PDE10A: variants seen among roughly 807,000 people sequenced by gnomAD.
PDE10A encodes cAMP and cAMP-inhibited cGMP 3',5'-cyclic phosphodiesterase 10A.
PDE10A carries 39 observed loss-of-function variants against 97.7 expected under a neutral mutation model. That is an observed-to-expected ratio of 0.40 (90% CI 0.31 to 0.52). The LOEUF is 0.52. Ranked by LOEUF, PDE10A falls within the 20% of genes least tolerant of loss-of-function variation. PDE10A has a pLI of 0.56. For missense variants in PDE10A, 731 were observed against 1,047.8 expected, an observed-to-expected ratio of 0.70 and a Z score of 4.17; for synonymous variants, 371 against 376.8, an observed-to-expected ratio of 0.98 and a Z score of 0.18.
rs371573390 is a variant in PDE10A at position 165,826,308 on chromosome 6, G to T, written c.-615+161221C>A. On this transcript the variant is annotated intron_variant, in intron 1 of 19. Coordinates refer to the PDE10A transcript ENST00000366882. ...CCTCTGTCCCCATGTCCGTCTTCAT[G>T]TCCCTCTGTCCCTGCATCCTTCTGT... is the stretch of plus-strand genomic sequence containing the variant. Among the ~76,000 whole-genome samples, 803 of 136,610 alleles carry T rather than the reference G, an allele frequency of 5.9e-3. 9 individuals carry two copies. The highest frequency in any genetic ancestry group is 0.021 in the African/African-American group (764 of 36,072). The allele number at this position is 136,610 out of a possible 152,430, so 89.6% of individuals were successfully genotyped here.
At chr6:165,335,920 C>G (rs1583057820) in intron 21 of PDE10A, among the ~76,000 whole-genome samples, 1 of 152,174 alleles carries the variant, frequency 6.6e-6, no homozygotes, top group Admixed American at 6.5e-5. Flanking sequence ...GTGCCTGAGG[C>G]TCGTCTTTGA....
chr6:165,871,338 T>A (rs1047060487), intron 1 of PDE10A, among the ~76,000 whole-genome samples: 4 of 152,208 alleles, frequency 2.6e-5, no homozygotes, highest in African/African-American at 4.8e-5. Flanking sequence ...TTTACTTTTT[T>A]AACTAGAACA....
chr6:165,528,794 T>C (rs1438329881), intron 2 of PDE10A, among the ~76,000 whole-genome samples: 1 of 152,200 alleles, frequency 6.6e-6, no homozygotes, highest in African/African-American at 2.4e-5. Flanking sequence ...GCAGCTGGAT[T>C]GATAGAACAG....
rs552593070 is a variant in PDE10A at position 165,615,797 on chromosome 6, G to A, written c.865+46150C>T. Among the ~76,000 whole-genome samples, 4 of 152,264 alleles carry A rather than the reference G, an allele frequency of 2.6e-5. No homozygotes were observed. In the South Asian group the frequency reaches 8.3e-4, roughly 32 times the overall value. ...TCAGCCGTCACACAGCATCCACTGT[G>A]AGTCTGCACCATGTCAGCCCTGCCT... On this transcript the variant is annotated intron_variant, in intron 1 of 21. Transcript: ENST00000539869.
At chr6:165,523,390 C>G (rs751276938) in intron 2 of PDE10A, among the ~76,000 whole-genome samples, 12 of 152,152 alleles carry the variant, frequency 7.9e-5, no homozygotes, top group Non-Finnish European at 1.5e-4. Context: ...CTACAGTAAC[C>G]CAAACAGCAC....
At chr6:165,379,134 G>A (rs1583157669) in intron 18 of PDE10A, 60 bp downstream of exon 18, 2 of 1,119,204 alleles carry the variant, frequency 1.8e-6, no homozygotes, top group South Asian at 3.0e-5. Context: ...CATTTCTTAA[G>A]TATCAATTTA....
intron 1 of PDE10A, among the ~76,000 whole-genome samples, chr6:165,587,248 A>G (rs1205035688): frequency 6.6e-6 from 1 of 152,208 alleles, no homozygotes; most frequent in Non-Finnish European, 1.5e-5. Flanking sequence ...TGGAGGAATG[A>G]AAGAAAGAAG....
At chr6:165,974,236 T>C (rs1014260690) in intron 1 of PDE10A, among the ~76,000 whole-genome samples, 15 of 152,202 alleles carry the variant, frequency 9.9e-5, no homozygotes, top group Non-Finnish European at 5.9e-5. Flanking sequence ...CATCAGAAAA[T>C]GGTCATGGGC....
chr6:165,867,889 C>G (rs1781102791), intron 1 of PDE10A, among the ~76,000 whole-genome samples: 3 of 151,936 alleles, frequency 2.0e-5, no homozygotes, highest in Admixed American at 2.0e-4. Flanking sequence ...GGAAACTATG[C>G]AAATACATGG....
At chr6:165,444,723 CAT>C (rs1790715728) in intron 5 of PDE10A, among the ~76,000 whole-genome samples, 1 of 151,804 alleles carries the variant, frequency 6.6e-6, no homozygotes, top group African/African-American at 2.4e-5. Context: ...GAAAAAAACA[CAT>C]AGAACTTTTT....
At chr6:165,507,146 T>A (rs1226700604) in intron 2 of PDE10A, among the ~76,000 whole-genome samples, 1 of 152,100 alleles carries the variant, frequency 6.6e-6, no homozygotes, top group East Asian at 1.9e-4. Context: ...AGTTGAAATT[T>A]TGTCCTATAT....
At chr6:165,482,001 T>C (rs987707921) in intron 3 of PDE10A, among the ~76,000 whole-genome samples, 5 of 152,198 alleles carry the variant, frequency 3.3e-5, no homozygotes. Context: ...TCTTACCTTC[T>C]GGTTCAAGGG....
intron 2 of PDE10A, among the ~76,000 whole-genome samples, chr6:165,504,636 G>A (rs754764263): frequency 4.6e-5 from 7 of 151,836 alleles, no homozygotes; most frequent in Non-Finnish European, 8.8e-5. Flanking sequence ...ATGTTTCTCA[G>A]TAAGACTGGT....
At chr6:165,493,844 C>T (rs545411295) in intron 2 of PDE10A, among the ~76,000 whole-genome samples, 1 of 152,150 alleles carries the variant, frequency 6.6e-6, no homozygotes, top group East Asian at 1.9e-4. Flanking sequence ...AACTAATAAG[C>T]TTCTGCATAG....
At chr6:165,572,768 T>C (rs1270408980) in intron 1 of PDE10A, among the ~76,000 whole-genome samples, 2 of 152,008 alleles carry the variant, frequency 1.3e-5, no homozygotes, top group Non-Finnish European at 1.5e-5. Flanking sequence ...CTCAGGGAGG[T>C]TGAAGCTGCA....
Position 165,388,372 on chromosome 6 carries a change from G to C in PDE10A, c.2536C>G (p.His846Asp). 6.2e-7 allele frequency: 1 copy of C among 1,614,104 alleles called. No individual in the cohort carries two copies. Among genetic ancestry groups the C allele is most frequent in the Non-Finnish European group, 8.5e-7 (1 of 1,179,968 alleles). ...GTGGAGTAGAGAGCGGCCAGAGGGT[G>C]GTCGAACTTCTGCAGGTAGCTGTTA... is the stretch of plus-strand genomic sequence containing the variant. ...FSNSYLQKFDHPLAALYSTST... is the reference protein window; with the variant it reads ...FSNSYLQKFDDPLAALYSTST... The change falls in exon 17 of 22, where the codon CAC (histidine) becomes GAC (aspartate). Residue 846 changes from histidine (H) to aspartate (D), a missense_variant. Coordinates refer to ENST00000539869, the MANE Select transcript of PDE10A (RefSeq NM_001385079.1). The surrounding 1 kb of genome is among the most constrained non-coding windows in gnomAD (Gnocchi z 4.0).
At chr6:165,434,894 T>C (rs550411393) in intron 6 of PDE10A, among the ~76,000 whole-genome samples, 2 of 152,296 alleles carry the variant, frequency 1.3e-5, no homozygotes, top group East Asian at 3.9e-4. Flanking sequence ...TTGAGGTAGT[T>C]TGTCATACAG....
intron 4 of PDE10A, among the ~76,000 whole-genome samples, chr6:165,449,321 C>T (rs762906670): frequency 3.9e-5 from 6 of 152,002 alleles, no homozygotes; most frequent in Non-Finnish European, 8.8e-5. Flanking sequence ...TTTTAAAATA[C>T]CACAAGTGAT....
chr6:165,555,784 A>G (rs2128333578), intron 1 of PDE10A, among the ~76,000 whole-genome samples: 1 of 152,332 alleles, frequency 6.6e-6, no homozygotes, highest in South Asian at 2.1e-4. Context: ...GTCTAATGTG[A>G]GAGCTTCCAG....
Sources: allele counts gnomAD v4.1 joint callset (sites outside exome capture counted in the v4.1 genomes callset), GRCh38; gene constraint gnomAD v4.1.1; non-coding constraint Gnocchi (gnomAD v3.1); transcripts MANE v1.5; gene names NCBI Gene and HGNC (gene_info 2026-07-23, HGNC 2026-07-21).